The following CTNNA2 variants were observed in gnomAD, a reference collection of about 807,000 sequenced individuals.
CTNNA2 encodes the protein catenin alpha 2.
Under a neutral mutation model 101.0 loss-of-function variants are expected in CTNNA2, and 42 were observed. The observed-to-expected ratio is 0.42, with a 90% CI of 0.32 to 0.54. The LOEUF (loss-of-function observed/expected upper bound fraction) is 0.54. CTNNA2 is among the 20% of genes least tolerant of loss of function. The pLI, the probability that CTNNA2 is intolerant of heterozygous loss-of-function variation, is 0.14. For missense variants in CTNNA2, 871 were observed against 1,223.1 expected (o/e 0.71, Z 4.29); for synonymous variants, 450 against 456.4 (o/e 0.99, Z 0.18).
At chr2:79,698,739 C>G (rs1040856886) in intron 2 of CTNNA2, among the ~76,000 whole-genome samples, 2 of 152,042 alleles carry the variant, frequency 1.3e-5, no homozygotes, top group African/African-American at 4.8e-5. Context: ...GTACATGTTG[C>G]ATATGGGTGC....
At chr2:79,927,070 T>C (rs1009676087) in intron 7 of CTNNA2, among the ~76,000 whole-genome samples, 1 of 152,244 alleles carries the variant, frequency 6.6e-6, no homozygotes, top group Non-Finnish European at 1.5e-5. Context: ...AAATTTGTTA[T>C]AGGAATGTGT....
intron 7 of CTNNA2, among the ~76,000 whole-genome samples, chr2:80,085,185 C>T (rs1377520395): frequency 6.6e-6 from 1 of 152,136 alleles, no homozygotes; most frequent in African/African-American, 2.4e-5. Context: ...ATTCATTTTC[C>T]ATGACCAATA....
intron 2 of CTNNA2, among the ~76,000 whole-genome samples, chr2:79,308,485 A>C (rs1336796624): frequency 1.3e-5 from 2 of 152,152 alleles, no homozygotes. Flanking sequence ...TTTCCTTTGC[A>C]GTGCAGAAGA....
intron 3 of CTNNA2, among the ~76,000 whole-genome samples, chr2:79,318,733 C>G (rs903206778): frequency 4.6e-5 from 7 of 152,196 alleles, no homozygotes; most frequent in Non-Finnish European, 1.0e-4. Flanking sequence ...CATCCTCATT[C>G]ATTTTATTCT....
intron 4 of CTNNA2, among the ~76,000 whole-genome samples, chr2:79,408,365 A>G (rs2104487842): frequency 6.6e-6 from 1 of 151,512 alleles, no homozygotes; most frequent in African/African-American, 2.4e-5. Flanking sequence ...CAGGTTAGTT[A>G]CATATGTATA....
chr2:80,049,855 C>A (rs1049796372), intron 7 of CTNNA2, among the ~76,000 whole-genome samples: 1 of 152,134 alleles, frequency 6.6e-6, no homozygotes, highest in Non-Finnish European at 1.5e-5. Context: ...CTTTATATAA[C>A]CCAGACATGT....
intron 2 of CTNNA2, among the ~76,000 whole-genome samples, chr2:79,249,175 C>G (rs1216270109): frequency 7.1e-6 from 1 of 139,982 alleles, no homozygotes; most frequent in Non-Finnish European, 1.5e-5. Flanking sequence ...TAAATAGACA[C>G]AATGCATGAA....
chr2:80,167,273 G>C (rs1440706239), intron 7 of CTNNA2, among the ~76,000 whole-genome samples: 1 of 152,010 alleles, frequency 6.6e-6, no homozygotes, highest in Non-Finnish European at 1.5e-5. Flanking sequence ...GTTATTAGAA[G>C]CTTGACAATA....
intron 4 of CTNNA2, among the ~76,000 whole-genome samples, chr2:79,491,638 C>G (rs189131749): frequency 7.2e-5 from 11 of 152,146 alleles, no homozygotes; most frequent in Admixed American, 6.5e-4. Context: ...AACCTCCTTT[C>G]CATCAGAAAG....
intron 9 of CTNNA2, among the ~76,000 whole-genome samples, chr2:80,524,501 G>GT: frequency 6.6e-6 from 1 of 152,098 alleles, no homozygotes; most frequent in Non-Finnish European, 1.5e-5. Flanking sequence ...GGTGAAAGTT[G>GT]TTATAACATC....
intron 4 of CTNNA2, among the ~76,000 whole-genome samples, chr2:79,471,120 T>A (rs561928227): frequency 1.3e-5 from 2 of 152,292 alleles, no homozygotes; most frequent in South Asian, 2.1e-4. Context: ...ATGTTGGCTG[T>A]GGCACACCTC....
intron 7 of CTNNA2, among the ~76,000 whole-genome samples, chr2:80,222,167 C>G (rs1238845879): frequency 2.6e-5 from 4 of 152,114 alleles, no homozygotes; most frequent in South Asian, 2.1e-4. Context: ...TGACAAAAAC[C>G]AGGCTAGAAA....
chr2:80,291,100 T>C (rs1014765200), intron 7 of CTNNA2, among the ~76,000 whole-genome samples: 7 of 152,140 alleles, frequency 4.6e-5, no homozygotes, highest in Non-Finnish European at 4.4e-5. Flanking sequence ...ACTTTTGGAA[T>C]CTCAATTCCC....
chr2:79,243,852 C>A (rs1177297626), intron 2 of CTNNA2, among the ~76,000 whole-genome samples: 1 of 152,148 alleles, frequency 6.6e-6, no homozygotes, highest in African/African-American at 2.4e-5. Context: ...AGGAGAGAAC[C>A]TTTCCATGTG....
chr2:80,056,773 G>A (rs1486492447), intron 7 of CTNNA2, among the ~76,000 whole-genome samples: 1 of 152,180 alleles, frequency 6.6e-6, no homozygotes, highest in East Asian at 1.9e-4. Context: ...GGAAAGGCAA[G>A]TGTCTCATCA....
At chr2:80,607,327 A>G (rs1698112995) in intron 16 of CTNNA2, among the ~76,000 whole-genome samples, 1 of 151,908 alleles carries the variant, frequency 6.6e-6, no homozygotes, top group Non-Finnish European at 1.5e-5. Flanking sequence ...TTGATAGCAA[A>G]AGAAATATGT....
intron 7 of CTNNA2, among the ~76,000 whole-genome samples, chr2:79,992,433 A>G (rs77043434): frequency 0.032 from 4,938 of 152,302 alleles, 251 homozygotes; most frequent in African/African-American, 0.11. Context: ...TGGTTAATAG[A>G]GCTTTCCATT....
intron 11 of CTNNA2, among the ~76,000 whole-genome samples, chr2:80,548,719 G>C (rs1218734419): frequency 6.6e-6 from 1 of 152,130 alleles, no homozygotes; most frequent in Non-Finnish European, 1.5e-5. Context: ...TTCCGCAGAC[G>C]GGGTTTGACA....
intron 3 of CTNNA2, among the ~76,000 whole-genome samples, chr2:79,772,732 T>C (rs1040464824): frequency 1.3e-5 from 2 of 151,918 alleles, no homozygotes; most frequent in Non-Finnish European, 2.9e-5. Context: ...TACCTGGCTA[T>C]TTAAAAAAAA....
Sources: allele counts gnomAD v4.1 joint callset (sites outside exome capture counted in the v4.1 genomes callset), GRCh38; gene constraint gnomAD v4.1.1; transcripts MANE v1.5; gene names NCBI Gene and HGNC (gene_info 2026-07-23, HGNC 2026-07-21).